Variants in SLC1A2 observed in about 807,000 individuals in gnomAD.
The protein encoded by SLC1A2 is excitatory amino acid transporter 2.
SLC1A2 carries 15 observed loss-of-function variants against 48.8 expected under a neutral mutation model. The ratio of observed to expected loss-of-function variants is 0.31; its 90% CI spans 0.21 to 0.47. The LOEUF (loss-of-function observed/expected upper bound fraction) is 0.47. Ranked by LOEUF, SLC1A2 falls within the 20% of genes least tolerant of loss-of-function variation. SLC1A2 has a pLI of 0.99. For synonymous variants in SLC1A2, 279 were observed against 272.6 expected (o/e 1.02, Z -0.23); for missense variants, 502 against 730.5 (o/e 0.69, Z 3.61).
chr11:35,286,813 G>A lies in SLC1A2; in HGVS notation c.1230C>T (p.Ile410=). The A allele has an allele frequency of 1.2e-6, 2 of 1,613,808 alleles. No homozygotes were observed. The highest frequency in any genetic ancestry group is 4.5e-5 in the East Asian group (2 of 44,870). The part of the protein sequence containing the change: ...GTALYEAVAA[I]FIAQMNGVVL... ...CAACACCATTCATTTGGGCTATAAA[G>A]ATGGCGGCTACCGCTTCATAAAGGG... Residue 410 remains isoleucine (I), a synonymous_variant, in exon 8 of 11, where the codon ATC becomes ATT. Transcript: ENST00000278379.
intron 10 of SLC1A2, among the ~76,000 whole-genome samples, chr11:35,262,074 C>T (rs1456929402): frequency 6.6e-6 from 1 of 152,166 alleles, no homozygotes; most frequent in Non-Finnish European, 1.5e-5. Context: ...ATACACAGAC[C>T]AACAAGACAT....
At chr11:35,330,997 T>C (rs979442994) in intron 1 of SLC1A2, among the ~76,000 whole-genome samples, 2 of 152,256 alleles carry the variant, frequency 1.3e-5, no homozygotes, top group Non-Finnish European at 2.9e-5. Context: ...CCAGACCTTA[T>C]GCTACACTAT....
chr11:35,320,858 G>A (rs924822968), intron 1 of SLC1A2, among the ~76,000 whole-genome samples: 1 of 152,222 alleles, frequency 6.6e-6, no homozygotes. Context: ...ATCATGGAGT[G>A]TGCACTTTAG....
intron 6 of SLC1A2, among the ~76,000 whole-genome samples, chr11:35,293,886 AC>A (rs1851086981): frequency 1.3e-5 from 2 of 152,176 alleles, no homozygotes; most frequent in South Asian, 4.1e-4. Flanking sequence ...TTAATATGTG[AC>A]CATGGTTAGT....
intron 1 of SLC1A2, among the ~76,000 whole-genome samples, chr11:35,401,685 T>A (rs1855145418): frequency 6.6e-6 from 1 of 152,000 alleles, no homozygotes; most frequent in Non-Finnish European, 1.5e-5. Flanking sequence ...GAGATGAGCA[T>A]TTTTTTTCTA....
chr11:35,300,951 G>C (rs867897869), intron 6 of SLC1A2, among the ~76,000 whole-genome samples: 1 of 152,140 alleles, frequency 6.6e-6, no homozygotes, highest in African/African-American at 2.4e-5. Flanking sequence ...CTACAGTGAG[G>C]GAGGCCGAGC....
chr11:35,280,827 T>TACTCA (rs1850606914), intron 9 of SLC1A2, 40 bp downstream of exon 9: 1 of 1,463,622 alleles, frequency 6.8e-7, no homozygotes, highest in Admixed American at 1.9e-5. Flanking sequence ...TAGGAGGCAG[T>TACTCA]ACTCACAGTC....
chr11:35,311,904 G>GAA (rs1295199537), intron 4 of SLC1A2, among the ~76,000 whole-genome samples: 5 of 17,632 alleles, frequency 2.8e-4, no homozygotes, highest in Non-Finnish European at 1.6e-4. Flanking sequence ...GAGGGAGAGA[G>GAA]AGAGAGAGAG....
At position 35,260,074 on chromosome 11, in the gene SLC1A2, A is replaced by C. The variant is rs1950370611; in HGVS notation, c.*820T>G. On this transcript the variant is annotated 3_prime_UTR_variant, in exon 11 of 11. Transcript: ENST00000278379. ...GGTGAAGGCAAACCGAACATAAATA[A>C]ATTTGAATATTTAACTCTGGTTAAA... 2 of 152,310 alleles carry C rather than the reference A, an allele frequency of 1.3e-5. No individual in the cohort carries two copies. The highest frequency in any genetic ancestry group is 4.1e-4 in the South Asian group (2 of 4,824). 9.4% of individuals were successfully genotyped at this position (152,310 alleles called of 1,614,324 possible). A position where few individuals can be genotyped will look rare whatever the true frequency, so the allele number is the denominator to read the frequency against.
rs537120610 is a variant in SLC1A2, at chr11:35,346,117, T to G, written c.18-28601A>C. Among the ~76,000 whole-genome samples, 3 of 152,178 alleles carry G rather than the reference T, an allele frequency of 2.0e-5. No homozygotes were observed. In the East Asian group the frequency reaches 5.8e-4, roughly 29 times the overall value. On this transcript the variant is annotated intron_variant, in intron 1 of 10. Transcript: ENST00000278379. ...TCCATGTGCAGAACGTGTAGGTCTG[T>G]TACATAGGTATGCATGTGCCATGGT...
chr11:35,354,281 G>T (rs931583763), intron 1 of SLC1A2, among the ~76,000 whole-genome samples: 1 of 151,762 alleles, frequency 6.6e-6, no homozygotes, highest in Admixed American at 6.6e-5. Flanking sequence ...ACAAGACCCC[G>T]TGTCTACAAA....
chr11:35,308,353 G>A lies in SLC1A2; in HGVS notation c.562-2111C>T, dbSNP rs544880226. 3.9e-5 allele frequency among the ~76,000 whole-genome samples: 6 copies of A among 152,304 alleles called. No homozygotes were observed. The East Asian group carries it at 7.7e-4, about 20-fold the overall frequency. On this transcript the variant is annotated intron_variant, in intron 4 of 10. Transcript: ENST00000278379. ...AAGCTGAGGAGATAGGAACACGAAC[G>A]CAGGCCGAGTTCTCTGCCTGAGTTC...
rs1851918296 is a variant in SLC1A2, at chr11:35,317,411, C to G, written c.123G>C (p.Leu41=). ...RHLGLRLCDK[L]GKNLLLTLTV... is the part of the protein sequence containing the mutation. ...TCAGGGTGAGCAGCAGATTCTTCCCCAGCTTGTCACACAGGCGCAGGCCCA... is the reference window on the plus strand; with the variant it reads ...TCAGGGTGAGCAGCAGATTCTTCCCGAGCTTGTCACACAGGCGCAGGCCCA... The change falls in exon 2 of 11, where the codon CTG becomes CTC. Residue 41 remains leucine (L), a synonymous_variant. Transcript: ENST00000278379. The G allele has an allele frequency of 6.2e-7, 1 of 1,614,016 alleles. No individual in the cohort carries two copies. The highest frequency in any genetic ancestry group is 1.7e-5 in the Admixed American group (1 of 60,006).
At chr11:35,405,276 C>T (rs1341212102) in intron 1 of SLC1A2, among the ~76,000 whole-genome samples, 1 of 152,166 alleles carries the variant, frequency 6.6e-6, no homozygotes, top group Non-Finnish European at 1.5e-5. Context: ...TTTCTAGACC[C>T]ATACAAAACC....
chr11:35,399,101 A>T (rs1231610300), intron 1 of SLC1A2, among the ~76,000 whole-genome samples: 1 of 152,186 alleles, frequency 6.6e-6, no homozygotes, highest in African/African-American at 2.4e-5. Flanking sequence ...CAAAATAAAA[A>T]TGTTTGGTTT....
At chr11:35,410,459 G>A (rs1005678606) in intron 1 of SLC1A2, among the ~76,000 whole-genome samples, 5 of 152,074 alleles carry the variant, frequency 3.3e-5, no homozygotes, top group African/African-American at 9.7e-5. Context: ...CTTTGTGGAC[G>A]CCTGGATATT....
chr11:35,383,165 T>C (rs1011328008), intron 1 of SLC1A2, among the ~76,000 whole-genome samples: 5 of 152,072 alleles, frequency 3.3e-5, no homozygotes, highest in Non-Finnish European at 7.4e-5. Flanking sequence ...AAAAAGAATA[T>C]AGTGGGGAAA....
intron 6 of SLC1A2, among the ~76,000 whole-genome samples, chr11:35,293,940 C>T (rs1022990592): frequency 2.0e-4 from 31 of 152,126 alleles, no homozygotes; most frequent in African/African-American, 5.3e-4. Flanking sequence ...AGGCTCAGAG[C>T]GGCTAACTCC....
rs576129509 is a variant in SLC1A2 at position 35,343,677 on chromosome 11, T to C, written c.18-26161A>G. Reference sequence around the variant, plus strand: ...CCCCTGGGAATTTGGGGACCTACCCTAGCACATCAGTAGCAGTAGTATTAG... The same window carrying C: ...CCCCTGGGAATTTGGGGACCTACCCCAGCACATCAGTAGCAGTAGTATTAG... On this transcript the variant is annotated intron_variant, in intron 1 of 10. Transcript: ENST00000278379. 1.1e-4 allele frequency among the ~76,000 whole-genome samples: 17 copies of C among 152,250 alleles called. No individual in the cohort carries two copies. In the South Asian group the frequency reaches 3.3e-3, roughly 30 times the overall value.
Sources: gnomAD v4.1 joint callset for allele counts (sites outside exome capture counted in the v4.1 genomes callset) on GRCh38, gnomAD v4.1.1 for gene constraint, MANE v1.5 for transcripts, NCBI Gene and HGNC (gene_info 2026-07-23, HGNC 2026-07-21) for gene names.